Variants in BBS4 observed in about 807,000 individuals in gnomAD.
BBS4 encodes BBSome complex member BBS4.
A neutral mutation model predicts 71.4 loss-of-function variants in BBS4; 58 were observed. That is an observed-to-expected ratio of 0.81 (90% CI 0.66 to 1.01). The LOEUF is 1.01. BBS4 is among the 50% of genes least tolerant of loss of function. The probability of loss-of-function intolerance (pLI) is 0.00; values close to 1 mark genes in which losing one functional copy is unlikely to be tolerated. For missense variants in BBS4, 660 were observed against 607.9 expected, an observed-to-expected ratio of 1.09 and a Z score of -0.90; for synonymous variants, 228 against 216.8, an observed-to-expected ratio of 1.05 and a Z score of -0.46.
chr15:72,717,940 C>T (rs2151026358), intron 6 of BBS4, among the ~76,000 whole-genome samples: 1 of 152,228 alleles, frequency 6.6e-6, no homozygotes, highest in East Asian at 1.9e-4. Context: ...CCTCTTTCTT[C>T]CAGGTTCAAG....
At chr15:72,694,526 T>C (rs1399556484) in intron 1 of BBS4, among the ~76,000 whole-genome samples, 1 of 152,228 alleles carries the variant, frequency 6.6e-6, no homozygotes, top group Non-Finnish European at 1.5e-5. Context: ...CTGCTTCTTG[T>C]CTCTGGTGCA....
At chr15:72,725,104 T>G (rs1290608282) in intron 8 of BBS4, among the ~76,000 whole-genome samples, 2 of 150,856 alleles carry the variant, frequency 1.3e-5, no homozygotes, top group Non-Finnish European at 3.0e-5. Flanking sequence ...ACTCCATCAC[T>G]CAGGCTGGAG....
chr15:72,711,186 C>T (rs998739276), intron 3 of BBS4, among the ~76,000 whole-genome samples: 4 of 150,412 alleles, frequency 2.7e-5, no homozygotes, highest in Admixed American at 2.7e-4. Flanking sequence ...TTGCTCTTGT[C>T]GCCAAGGGTG....
intron 2 of BBS4, 90 bp downstream of exon 2, chr15:72,695,318 C>G: frequency 1.1e-6 from 1 of 890,510 alleles, no homozygotes; most frequent in Admixed American, 2.4e-5. Flanking sequence ...GAGGCAGAGT[C>G]TCACTGTCAC....
At chr15:72,736,702 G>C (rs1414841986) in intron 14 of BBS4, 60 bp from the exon 15 acceptor site, 24 of 1,551,290 alleles carry the variant, frequency 1.5e-5, no homozygotes, top group Non-Finnish European at 2.0e-5. Flanking sequence ...CCAAAGAAGT[G>C]GGTTGGCTTG....
rs752466125 is a variant in BBS4 at position 72,727,863 on chromosome 15, G to A, written c.588-77G>A. 1.2e-5 allele frequency: 13 copies of A among 1,091,670 alleles called. No individual in the cohort carries two copies. In the African/African-American group the frequency reaches 1.2e-4, roughly 10 times the overall value. 67.6% of individuals were successfully genotyped at this position (1,091,670 alleles called of 1,614,324 possible). On this transcript the variant is annotated intron_variant, in intron 8 of 15. Coordinates refer to ENST00000268057, the MANE Select transcript of BBS4 (RefSeq NM_033028.5). ...CAGTGGGGTCTGTCAAGTATTGCACGAGGGCATATTACTGTGCATGTGTCT... is the reference window on the plus strand; with the variant it reads ...CAGTGGGGTCTGTCAAGTATTGCACAAGGGCATATTACTGTGCATGTGTCT...
intron 2 of BBS4, 44 bp downstream of exon 2, chr15:72,695,272 A>T: frequency 7.7e-7 from 1 of 1,290,492 alleles, no homozygotes; most frequent in African/African-American, 1.5e-5. Context: ...GCACAGACAG[A>T]TTTCTCTTTT....
At position 72,731,745 on chromosome 15, in the gene BBS4, G is replaced by A; in HGVS notation, c.1036+19G>A. 1 of 1,613,882 alleles carries A rather than the reference G, an allele frequency of 6.2e-7. No homozygotes were observed. Among genetic ancestry groups the A allele is most frequent in the Non-Finnish European group, 8.5e-7 (1 of 1,179,934 alleles). On this transcript the variant is annotated intron_variant, in intron 12 of 15. Transcript: ENST00000268057. ...TTGGCAGGTAAGAAACATTTATGTG[G>A]AAAACTCTCTCTGCCATCTGTAATG... is the stretch of plus-strand genomic sequence containing the variant.
At chr15:72,704,095 A>G (rs2065221407) in intron 2 of BBS4, among the ~76,000 whole-genome samples, 1 of 152,068 alleles carries the variant, frequency 6.6e-6, no homozygotes, top group Non-Finnish European at 1.5e-5. Context: ...GAGAAGTGGC[A>G]AGGGAGTATT....
chr15:72,698,761 ATTTAT>A (rs2065121274), intron 2 of BBS4, among the ~76,000 whole-genome samples: 1 of 152,176 alleles, frequency 6.6e-6, no homozygotes, highest in African/African-American at 2.4e-5. Context: ...GTATATAATA[ATTTAT>A]TCTACAGACT....
intron 4 of BBS4, among the ~76,000 whole-genome samples, chr15:72,713,624 CAAGTATT>C (rs2065417761): frequency 6.6e-6 from 1 of 152,068 alleles, no homozygotes; most frequent in African/African-American, 2.4e-5. Flanking sequence ...CATTTATTAT[CAAGTATT>C]AAGTTCTATA....
chr15:72,720,463 G>T (rs1160975474), intron 6 of BBS4, among the ~76,000 whole-genome samples: 1 of 145,292 alleles, frequency 6.9e-6, no homozygotes, highest in Non-Finnish European at 1.5e-5. Flanking sequence ...CTTCAGCATG[G>T]AAAGCAGAGC....
intron 2 of BBS4, among the ~76,000 whole-genome samples, chr15:72,707,665 T>A (rs2065289236): frequency 2.0e-5 from 3 of 152,352 alleles, no homozygotes; most frequent in Middle Eastern, 6.8e-3. Flanking sequence ...TTCATAATTC[T>A]GTTCTTCCCT....
intron 15 of BBS4, 66 bp from the exon 16 acceptor site, chr15:72,737,412 G>A: frequency 7.1e-7 from 1 of 1,402,606 alleles, no homozygotes; most frequent in Non-Finnish European, 9.9e-7. Flanking sequence ...AACTCTAACA[G>A]CAAAAAAGAA....
intron 2 of BBS4, 30 bp from the exon 3 acceptor site, chr15:72,709,670 T>G: frequency 6.7e-7 from 1 of 1,500,140 alleles, no homozygotes; most frequent in Non-Finnish European, 9.3e-7. Flanking sequence ...AATGACTGTG[T>G]TGTTTGTTTT....
Position 72,735,812 on chromosome 15 carries a change from C to T in BBS4, c.1107-13C>T, listed in dbSNP as rs189571241. On this transcript the variant is annotated splice_polypyrimidine_tract_variant and intron_variant, in intron 13 of 15. Coordinates refer to ENST00000268057, the MANE Select transcript of BBS4 (RefSeq NM_033028.5). ...CAGAGCCCCCAGCTCCATAGAATCT[C>T]TGTCTGCCACAGGTGTAACCCTTTA... The T allele has an allele frequency of 3.7e-6, 6 of 1,614,128 alleles. No homozygotes were observed. In the South Asian group the frequency reaches 6.6e-5, roughly 18 times the overall value.
intron 7 of BBS4, 128 bp downstream of exon 7, chr15:72,722,975 A>G: frequency 2.6e-6 from 2 of 772,854 alleles, no homozygotes; most frequent in South Asian, 3.0e-5. Flanking sequence ...AAGTACCTTT[A>G]TACATTTTTT....
intron 8 of BBS4, among the ~76,000 whole-genome samples, chr15:72,727,007 T>TTC: frequency 6.6e-6 from 1 of 152,172 alleles, no homozygotes; most frequent in Admixed American, 6.5e-5. Context: ...GAAGCCAATA[T>TTC]TGCTAGAATT....
At chr15:72,726,387 C>T (rs1481304552) in intron 8 of BBS4, among the ~76,000 whole-genome samples, 2 of 151,176 alleles carry the variant, frequency 1.3e-5, no homozygotes, top group African/African-American at 2.4e-5. Context: ...GCTGGGATTG[C>T]AGGCGTGAAC....
Sources: gnomAD v4.1 joint callset for allele counts (sites outside exome capture counted in the v4.1 genomes callset) on GRCh38, gnomAD v4.1.1 for gene constraint, MANE v1.5 for transcripts, NCBI Gene and HGNC (gene_info 2026-07-23, HGNC 2026-07-21) for gene names.